Variants in RABGAP1L observed in about 807,000 individuals in gnomAD.
The protein encoded by RABGAP1L is rab GTPase-activating protein 1-like.
A neutral mutation model predicts 137.7 loss-of-function variants in RABGAP1L; 63 were observed. The observed-to-expected ratio is 0.46, with a 90% CI of 0.37 to 0.56. The LOEUF (loss-of-function observed/expected upper bound fraction) is 0.56, where lower values mean the gene tolerates loss of function less well. Among genes scored for constraint, RABGAP1L ranks in the 20% least tolerant of loss-of-function variants. The pLI, the probability that RABGAP1L is intolerant of heterozygous loss-of-function variation, is 0.00. For synonymous variants in RABGAP1L, 431 were observed against 433.7 expected (o/e 0.99, Z 0.08); for missense variants, 1,095 against 1,244.0 (o/e 0.88, Z 1.80).
intron 1 of RABGAP1L, among the ~76,000 whole-genome samples, chr1:174,167,597 G>C (rs938277574): frequency 6.6e-6 from 1 of 152,158 alleles, no homozygotes; most frequent in African/African-American, 2.4e-5. Context: ...TAAAAGGCAA[G>C]TATGGAATTC....
chr1:174,319,190 C>T (rs1299988021), intron 11 of RABGAP1L, among the ~76,000 whole-genome samples: 1 of 152,028 alleles, frequency 6.6e-6, no homozygotes, highest in East Asian at 1.9e-4. Flanking sequence ...TAAGACAGAT[C>T]TGGTGACATG....
At chr1:174,249,682 G>A (rs4652275) in intron 5 of RABGAP1L, among the ~76,000 whole-genome samples, 43,426 of 142,778 alleles carry the variant, frequency 0.3, 6,768 homozygotes, top group African/African-American at 0.38. Flanking sequence ...GTCTTGCTCT[G>A]TCACCCAGGC....
intron 14 of RABGAP1L, among the ~76,000 whole-genome samples, chr1:174,642,693 G>GTC (rs768491657): frequency 8.3e-6 from 1 of 119,786 alleles, no homozygotes; most frequent in Non-Finnish European, 1.7e-5. Flanking sequence ...TCCTTTCTCT[G>GTC]TCTCTCTCTC....
chr1:174,774,145 C>T lies in RABGAP1L; in HGVS notation c.2211+21791C>T, dbSNP rs868082039. ...GGTTGAGAAAAGGCTGAAATATGCT[C>T]CTTTTGCTAGAAATGTAATAACTAA... is the stretch of plus-strand genomic sequence containing the variant. On this transcript the variant is annotated intron_variant, in intron 18 of 25. Transcript: ENST00000681986. Among the ~76,000 whole-genome samples the T allele has an allele frequency of 5.9e-5, 9 of 152,308 alleles. No individual in the cohort carries two copies. The Middle Eastern group carries it at 0.01, about 173-fold the overall frequency.
chr1:174,185,959 C>G (rs1666768062), intron 1 of RABGAP1L, among the ~76,000 whole-genome samples: 1 of 152,078 alleles, frequency 6.6e-6, no homozygotes, highest in Middle Eastern at 3.2e-3. Flanking sequence ...GCCTGACCAA[C>G]ATGGAGAAAC....
At chr1:174,750,072 T>C (rs1188711633) in intron 17 of RABGAP1L, among the ~76,000 whole-genome samples, 2 of 152,096 alleles carry the variant, frequency 1.3e-5, no homozygotes, top group South Asian at 4.1e-4. Flanking sequence ...GGTTTCACCA[T>C]GTTAGCCAGG....
At chr1:174,234,121 T>G (rs1467226866) in intron 4 of RABGAP1L, among the ~76,000 whole-genome samples, 1 of 123,034 alleles carries the variant, frequency 8.1e-6, no homozygotes, top group Non-Finnish European at 1.6e-5. Flanking sequence ...TTGTTTGTTT[T>G]TTTCTTGTAA....
At chr1:174,621,138 A>G (rs1672421742) in intron 13 of RABGAP1L, among the ~76,000 whole-genome samples, 1 of 152,148 alleles carries the variant, frequency 6.6e-6, no homozygotes, top group Non-Finnish European at 1.5e-5. Context: ...TAGGAATCCA[A>G]CTTACAAGGG....
chr1:174,461,192 A>G (rs1183731520), intron 13 of RABGAP1L, among the ~76,000 whole-genome samples: 1 of 152,114 alleles, frequency 6.6e-6, no homozygotes, highest in Non-Finnish European at 1.5e-5. Flanking sequence ...TTGCAGTGAT[A>G]ATCTCTACTG....
intron 1 of RABGAP1L, among the ~76,000 whole-genome samples, chr1:174,191,778 T>C (rs1667227463): frequency 2.6e-5 from 4 of 152,190 alleles, no homozygotes; most frequent in Admixed American, 2.6e-4. Flanking sequence ...TAGAAGATGC[T>C]TGGGGCATAA....
intron 13 of RABGAP1L, among the ~76,000 whole-genome samples, chr1:174,500,389 C>A (rs1401330483): frequency 1.3e-5 from 2 of 152,046 alleles, no homozygotes; most frequent in Non-Finnish European, 2.9e-5. Flanking sequence ...CGGTGGGTTT[C>A]TTATAAGTGG....
chr1:174,781,729 G>C (rs1419892446), intron 18 of RABGAP1L, among the ~76,000 whole-genome samples: 1 of 152,108 alleles, frequency 6.6e-6, no homozygotes, highest in African/African-American at 2.4e-5. Context: ...AATCCATCTT[G>C]AATTAATTTT....
intron 17 of RABGAP1L, among the ~76,000 whole-genome samples, chr1:174,708,617 T>G (rs1277034097): frequency 6.6e-6 from 1 of 152,150 alleles, no homozygotes; most frequent in East Asian, 1.9e-4. Flanking sequence ...CCAGCCCAGA[T>G]ACTACACTTT....
At chr1:174,851,266 T>G (rs1648278832) in intron 19 of RABGAP1L, among the ~76,000 whole-genome samples, 1 of 152,194 alleles carries the variant, frequency 6.6e-6, no homozygotes, top group African/African-American at 2.4e-5. Flanking sequence ...GCTTTAGAGA[T>G]GGGAGCCATA....
intron 14 of RABGAP1L, among the ~76,000 whole-genome samples, chr1:174,669,872 G>T (rs1444765958): frequency 1.3e-5 from 2 of 152,088 alleles, no homozygotes; most frequent in African/African-American, 2.4e-5. Flanking sequence ...TGCTGTTTGG[G>T]TTACTATAGC....
At chr1:174,439,602 A>C (rs767257674) in intron 13 of RABGAP1L, among the ~76,000 whole-genome samples, 2 of 152,200 alleles carry the variant, frequency 1.3e-5, no homozygotes, top group Non-Finnish European at 2.9e-5. Context: ...TAGATGACTA[A>C]TACTGCCCTT....
chr1:174,543,140 G>A (rs1025399436), intron 13 of RABGAP1L, among the ~76,000 whole-genome samples: 33 of 152,108 alleles, frequency 2.2e-4, no homozygotes, highest in Non-Finnish European at 4.4e-4. Context: ...TTCAATTCCT[G>A]GATATCCTTG....
chr1:174,713,191 T>C (rs1282060690), intron 17 of RABGAP1L, among the ~76,000 whole-genome samples: 1 of 152,336 alleles, frequency 6.6e-6, no homozygotes, highest in East Asian at 1.9e-4. Context: ...AGAAGCTTTA[T>C]ATATACCTCT....
At chr1:174,835,020 G>A (rs1199421290) in intron 19 of RABGAP1L, among the ~76,000 whole-genome samples, 1 of 152,148 alleles carries the variant, frequency 6.6e-6, no homozygotes, top group Non-Finnish European at 1.5e-5. Context: ...AGGTGAGAGG[G>A]AGATATGACT....
Sources: allele counts gnomAD v4.1 joint callset (sites outside exome capture counted in the v4.1 genomes callset), GRCh38; gene constraint gnomAD v4.1.1; transcripts MANE v1.5; gene names NCBI Gene and HGNC (gene_info 2026-07-23, HGNC 2026-07-21).